The following KIF16B variants were observed in gnomAD, a reference collection of about 807,000 sequenced individuals.
KIF16B encodes the protein kinesin-like protein KIF16B.
In KIF16B, 98 loss-of-function variants were observed where a neutral mutation model predicts 156.3. The observed-to-expected ratio is 0.63, with a 90% CI of 0.53 to 0.74. KIF16B has a LOEUF of 0.74. KIF16B is among the 30% of genes least tolerant of loss of function. The pLI is 0.00. For missense variants in KIF16B, 1,421 were observed against 1,606.5 expected, an observed-to-expected ratio of 0.88 and a Z score of 1.97; for synonymous variants, 564 against 583.7, an observed-to-expected ratio of 0.97 and a Z score of 0.49.
intron 12 of KIF16B, among the ~76,000 whole-genome samples, chr20:16,454,567 AAGC>A (rs2067166417): frequency 1.3e-5 from 2 of 151,992 alleles, no homozygotes; most frequent in Admixed American, 1.3e-4. Flanking sequence ...ATTTATTTGA[AAGC>A]TGTTTTGAAA....
At chr20:16,484,426 T>C (rs571865843) in intron 12 of KIF16B, among the ~76,000 whole-genome samples, 9 of 152,350 alleles carry the variant, frequency 5.9e-5, no homozygotes, top group African/African-American at 2.2e-4. Context: ...GAACTTTCTT[T>C]ATTACTTTGC....
intron 25 of KIF16B, among the ~76,000 whole-genome samples, chr20:16,274,866 T>A (rs1215237510): frequency 2.0e-5 from 3 of 152,214 alleles, no homozygotes; most frequent in Non-Finnish European, 4.4e-5. Flanking sequence ...GCTACCTCTA[T>A]GAATTGCCAA....
In KIF16B at chr20:16,353,913, G is replaced by A. The variant is rs144021527; in HGVS notation, c.3621+2417C>T. Among the ~76,000 whole-genome samples, 6 of 152,252 alleles carry A rather than the reference G, an allele frequency of 3.9e-5. No homozygotes were observed. In the East Asian group the frequency reaches 1.2e-3, roughly 29 times the overall value. ...CCAAGTTGGTGCTAACACATTCCTG[G>A]TGCTCATAATTATAGCACCTAGGGA... On this transcript the variant is annotated intron_variant, in intron 23 of 25. Coordinates refer to ENST00000354981, the MANE Select transcript of KIF16B (RefSeq NM_024704.5).
chr20:16,429,932 A>C lies in KIF16B; in HGVS notation c.1353T>G (p.Ser451=), dbSNP rs370418766. The C allele has an allele frequency of 3.1e-6, 5 of 1,613,042 alleles. No homozygotes were observed. Among genetic ancestry groups the C allele is most frequent in the African/African-American group, 2.7e-5 (2 of 74,900 alleles). ...RKEGIGVVLD[S]ELPHLIGIDD... is the part of the protein sequence containing the mutation. ...CGATGCCAATCAAATGAGGCAGTTC[A>C]GAATCCAAAACAACTCCAATCCCTT... is the stretch of plus-strand genomic sequence containing the variant. The change falls in exon 13 of 26, where the codon TCT becomes TCG. Residue 451 remains serine (S), a synonymous_variant. Transcript: ENST00000354981.
intron 25 of KIF16B, among the ~76,000 whole-genome samples, chr20:16,304,665 T>C (rs147071815): frequency 6.6e-6 from 1 of 152,238 alleles, no homozygotes; most frequent in Non-Finnish European, 1.5e-5. Flanking sequence ...TTATTATATG[T>C]TTTGTAAGAT....
At chr20:16,439,976 C>A (rs1398908071) in intron 12 of KIF16B, among the ~76,000 whole-genome samples, 1 of 152,176 alleles carries the variant, frequency 6.6e-6, no homozygotes, top group Non-Finnish European at 1.5e-5. Context: ...TGAACAAGGT[C>A]CCTGCTCAGA....
chr20:16,500,070 A>G (rs1384107704), intron 10 of KIF16B, among the ~76,000 whole-genome samples: 1 of 152,140 alleles, frequency 6.6e-6, no homozygotes, highest in African/African-American at 2.4e-5. Flanking sequence ...TGTATAATCA[A>G]TTTTGTTCTT....
intron 22 of KIF16B, chr20:16,367,253 G>A: frequency 6.2e-7 from 1 of 1,612,840 alleles, no homozygotes; most frequent in Non-Finnish European, 8.5e-7. Flanking sequence ...AGATACAATG[G>A]GGTGGTGAAC....
intron 6 of KIF16B, among the ~76,000 whole-genome samples, 154 bp downstream of exon 6, chr20:16,511,264 T>A (rs2068946554): frequency 6.6e-6 from 1 of 152,208 alleles, no homozygotes; most frequent in African/African-American, 2.4e-5. Flanking sequence ...TAACGGAACA[T>A]CATGTAGTGA....
chr20:16,474,641 C>G (rs1392609510), intron 12 of KIF16B, among the ~76,000 whole-genome samples: 2 of 152,162 alleles, frequency 1.3e-5, no homozygotes, highest in Admixed American at 1.3e-4. Flanking sequence ...TACTCCTTTG[C>G]CCTTCCCCAT....
chr20:16,332,256 T>A (rs745788762), intron 24 of KIF16B, among the ~76,000 whole-genome samples: 26 of 152,198 alleles, frequency 1.7e-4, no homozygotes, highest in Non-Finnish European at 3.2e-4. Flanking sequence ...TCAGTATCTG[T>A]CTCTGTAAAA....
chr20:16,567,820 C>G (rs184735179), intron 1 of KIF16B, among the ~76,000 whole-genome samples: 1 of 152,068 alleles, frequency 6.6e-6, no homozygotes, highest in Admixed American at 6.5e-5. Context: ...GGCGTGGTGG[C>G]GGGCGCCTGT....
At chr20:16,398,065 C>G (rs557551794) in intron 17 of KIF16B, among the ~76,000 whole-genome samples, 6 of 152,316 alleles carry the variant, frequency 3.9e-5, no homozygotes, top group Admixed American at 3.3e-4. Context: ...AGCTAAGATA[C>G]AGGAATGCAC....
At chr20:16,420,611 A>G (rs1360462887) in intron 15 of KIF16B, among the ~76,000 whole-genome samples, 1 of 152,122 alleles carries the variant, frequency 6.6e-6, no homozygotes, top group Non-Finnish European at 1.5e-5. Flanking sequence ...AATCATTGTG[A>G]CTTGAGTTAC....
intron 23 of KIF16B, among the ~76,000 whole-genome samples, chr20:16,346,098 A>G (rs753627693): frequency 6.6e-6 from 1 of 152,222 alleles, no homozygotes; most frequent in Non-Finnish European, 1.5e-5. Flanking sequence ...AACAGTTCCT[A>G]ATCCAAGCAG....
At chr20:16,571,917 G>A (rs1345802673) in intron 1 of KIF16B, among the ~76,000 whole-genome samples, 8 of 152,070 alleles carry the variant, frequency 5.3e-5, no homozygotes, top group Admixed American at 1.3e-4. Flanking sequence ...GAGCCACCGC[G>A]CCCAGCCTAA....
intron 12 of KIF16B, among the ~76,000 whole-genome samples, chr20:16,479,542 T>C (rs2067919190): frequency 6.6e-6 from 1 of 152,036 alleles, no homozygotes; most frequent in African/African-American, 2.4e-5. Flanking sequence ...ATTGAATAAA[T>C]AAGGCCAAAC....
chr20:16,374,478 A>T, intron 19 of KIF16B, 69 bp from the exon 20 acceptor site: 2 of 1,344,968 alleles, frequency 1.5e-6, no homozygotes, highest in Non-Finnish European at 2.0e-6. Flanking sequence ...TGTGTGAGAC[A>T]TTGCTTTAGA....
intron 23 of KIF16B, among the ~76,000 whole-genome samples, chr20:16,352,015 G>C (rs1438373213): frequency 6.6e-6 from 1 of 152,212 alleles, no homozygotes; most frequent in Non-Finnish European, 1.5e-5. Flanking sequence ...GCCAGGTACA[G>C]AAGATAAATG....
Sources: allele counts gnomAD v4.1 joint callset (sites outside exome capture counted in the v4.1 genomes callset), GRCh38; gene constraint gnomAD v4.1.1; transcripts MANE v1.5; gene names NCBI Gene and HGNC (gene_info 2026-07-23, HGNC 2026-07-21).